SDK1: variants seen among roughly 807,000 people sequenced by gnomAD.
SDK1 encodes the protein protein sidekick-1.
A neutral mutation model predicts 245.5 loss-of-function variants in SDK1; 157 were observed. That is an observed-to-expected ratio of 0.64 (90% CI 0.56 to 0.73). The LOEUF is 0.73. SDK1 is among the 30% of genes least tolerant of loss of function. The pLI, the probability that SDK1 is intolerant of heterozygous loss-of-function variation, is 0.00. For synonymous variants in SDK1, 1,647 were observed against 1,278.5 expected (o/e 1.29, Z -6.15); for missense variants, 3,583 against 3,002.3 (o/e 1.19, Z -4.52).
At chr7:3,681,943 C>T (rs1175834062) in intron 4 of SDK1, among the ~76,000 whole-genome samples, 1 of 152,074 alleles carries the variant, frequency 6.6e-6, no homozygotes, top group Non-Finnish European at 1.5e-5. Flanking sequence ...GTATGTAGCC[C>T]AGTATCACAA....
At chr7:3,440,108 C>G (rs751827212) in intron 1 of SDK1, among the ~76,000 whole-genome samples, 10 of 152,028 alleles carry the variant, frequency 6.6e-5, no homozygotes, top group Admixed American at 3.3e-4. Flanking sequence ...AATGGAAATC[C>G]GGAAGTAAAT....
At position 3,619,250 on chromosome 7, in the gene SDK1, G is replaced by T. The variant is rs780483912; in HGVS notation, c.458+11G>T. ...CAGCAGCGAATATAAGTAATTGATCGCTTGAAAAAATAAGATCCCATTTCA... is the reference window on the plus strand; with the variant it reads ...CAGCAGCGAATATAAGTAATTGATCTCTTGAAAAAATAAGATCCCATTTCA... On this transcript the variant is annotated intron_variant, in intron 2 of 44. Transcript: ENST00000404826. The T allele has an allele frequency of 1.6e-5, 26 of 1,587,718 alleles. No individual in the cohort carries two copies. In the East Asian group the frequency reaches 5.4e-4, roughly 33 times the overall value.
intron 37 of SDK1, 31 bp from the exon 38 acceptor site, chr7:4,209,994 G>T (rs56231006): frequency 0.15 from 235,824 of 1,526,934 alleles, 20,191 homozygotes; most frequent in Non-Finnish European, 0.17. Flanking sequence ...AGGAGCCCCT[G>T]TAAAAGTCAC....
chr7:3,803,147 G>T (rs1197111524), intron 4 of SDK1, among the ~76,000 whole-genome samples: 1 of 152,142 alleles, frequency 6.6e-6, no homozygotes, highest in East Asian at 1.9e-4. Flanking sequence ...CATTTTAATA[G>T]GTGTGGAAGG....
intron 35 of SDK1, among the ~76,000 whole-genome samples, chr7:4,202,109 C>T (rs1783920457): frequency 1.3e-5 from 2 of 152,218 alleles, no homozygotes; most frequent in Admixed American, 6.5e-5. Flanking sequence ...ACATCCACAT[C>T]CCTAGCTGGA....
At chr7:4,186,728 CTAAGCCCTCAA>C (rs1231820859) in intron 35 of SDK1, among the ~76,000 whole-genome samples, 3 of 152,328 alleles carry the variant, frequency 2.0e-5, no homozygotes, top group South Asian at 4.1e-4. Context: ...GCCCACCTCA[CTAAGCCCTCAA>C]ATGCTGTGAG....
intron 32 of SDK1, among the ~76,000 whole-genome samples, chr7:4,171,426 C>T (rs1236717316): frequency 6.6e-6 from 1 of 152,206 alleles, no homozygotes; most frequent in East Asian, 1.9e-4. Flanking sequence ...CATCTGAATT[C>T]CAGAAGAATC....
intron 1 of SDK1, among the ~76,000 whole-genome samples, chr7:3,365,562 T>C (rs890921640): frequency 3.3e-5 from 5 of 152,238 alleles, no homozygotes; most frequent in South Asian, 2.1e-4. Flanking sequence ...CTTAATGATA[T>C]CAACTTATTT....
chr7:3,424,060 C>T (rs767801969), intron 1 of SDK1, among the ~76,000 whole-genome samples: 10 of 151,942 alleles, frequency 6.6e-5, no homozygotes, highest in East Asian at 1.9e-4. Flanking sequence ...TACAGGTGCG[C>T]GCCACCATGC....
intron 5 of SDK1, among the ~76,000 whole-genome samples, chr7:3,851,568 G>A (rs371490432): frequency 1.3e-4 from 20 of 151,028 alleles, no homozygotes; most frequent in African/African-American, 5.0e-4. Flanking sequence ...GTAATATCTT[G>A]GATGAAAAAG....
At chr7:3,830,534 C>T (rs779273394) in intron 5 of SDK1, among the ~76,000 whole-genome samples, 5 of 152,104 alleles carry the variant, frequency 3.3e-5, no homozygotes, top group Non-Finnish European at 7.4e-5. Context: ...CTTGCTCTGT[C>T]ACCCAGGCTG....
chr7:3,488,889 C>T (rs1480848214), intron 1 of SDK1, among the ~76,000 whole-genome samples: 10 of 149,030 alleles, frequency 6.7e-5, no homozygotes, highest in African/African-American at 2.5e-4. Flanking sequence ...CTCTCTTTCC[C>T]TTCATTCCTC....
At chr7:3,322,192 G>A (rs987008804) in intron 1 of SDK1, among the ~76,000 whole-genome samples, 7 of 151,906 alleles carry the variant, frequency 4.6e-5, no homozygotes, top group Non-Finnish European at 7.4e-5. Context: ...CCATCCACCC[G>A]TGTTCTGCTT....
At chr7:4,147,165 T>G (rs563525297) in intron 29 of SDK1, among the ~76,000 whole-genome samples, 1 of 152,300 alleles carries the variant, frequency 6.6e-6, no homozygotes, top group East Asian at 1.9e-4. Flanking sequence ...AGCACACAGT[T>G]CTGGCCACGC....
chr7:3,866,227 T>C (rs1780817992), intron 5 of SDK1, among the ~76,000 whole-genome samples: 1 of 152,200 alleles, frequency 6.6e-6, no homozygotes, highest in African/African-American at 2.4e-5. Flanking sequence ...CACTTATGCA[T>C]TCATTACTTC....
chr7:3,931,739 G>A (rs1365091524), intron 5 of SDK1, among the ~76,000 whole-genome samples: 6 of 151,980 alleles, frequency 3.9e-5, no homozygotes, highest in African/African-American at 1.2e-4. Flanking sequence ...TTCCCTCTCC[G>A]TGCCGACTTA....
chr7:3,507,503 C>G (rs989105071), intron 1 of SDK1, among the ~76,000 whole-genome samples: 1 of 152,176 alleles, frequency 6.6e-6, no homozygotes, highest in Non-Finnish European at 1.5e-5. Flanking sequence ...ATTCTGCTTT[C>G]TGGTTGTTGA....
chr7:3,495,252 CTTTTTTTTTTTTTTT>C (rs71029675), intron 1 of SDK1, among the ~76,000 whole-genome samples: 4 of 99,772 alleles, frequency 4.0e-5, no homozygotes, highest in Non-Finnish European at 7.6e-5. Flanking sequence ...CATAATGGTT[CTTTTTTTTTTTTTTT>C]TTTTTTTTGA....
chr7:3,946,572 C>T (rs931725306), intron 5 of SDK1, among the ~76,000 whole-genome samples: 7 of 152,156 alleles, frequency 4.6e-5, no homozygotes, highest in African/African-American at 1.7e-4. Flanking sequence ...TCACCTTGGC[C>T]TCCCAAAGTT....
Sources: allele counts gnomAD v4.1 joint callset (sites outside exome capture counted in the v4.1 genomes callset), GRCh38; gene constraint gnomAD v4.1.1; transcripts MANE v1.5; gene names NCBI Gene and HGNC (gene_info 2026-07-23, HGNC 2026-07-21).